The following LRCH3 variants were observed in gnomAD, a reference collection of about 807,000 sequenced individuals.
LRCH3 encodes DISP complex protein LRCH3.
Under a neutral mutation model 104.5 loss-of-function variants are expected in LRCH3, and 68 were observed. The ratio of observed to expected loss-of-function variants is 0.65; its 90% CI spans 0.54 to 0.80. The LOEUF (loss-of-function observed/expected upper bound fraction) is 0.80, where lower values mean the gene tolerates loss of function less well. Ranked by LOEUF, LRCH3 falls within the 30% of genes least tolerant of loss-of-function variation. LRCH3 has a pLI of 0.00. For synonymous variants in LRCH3, 344 were observed against 361.3 expected (o/e 0.95, Z 0.54); for missense variants, 951 against 953.9 (o/e 1.00, Z 0.04).
chr3:197,799,962 A>G (rs982912146), intron 1 of LRCH3, among the ~76,000 whole-genome samples: 2 of 151,960 alleles, frequency 1.3e-5, no homozygotes, highest in African/African-American at 4.8e-5. Flanking sequence ...CAGGTGGATC[A>G]TGAGGTCAGG....
At chr3:197,867,553 T>TA (rs1328189194) in intron 17 of LRCH3, among the ~76,000 whole-genome samples, 1 of 150,824 alleles carries the variant, frequency 6.6e-6, no homozygotes, top group Non-Finnish European at 1.5e-5. Flanking sequence ...CCCCATCTCT[T>TA]AAAAAAATAC....
At chr3:197,813,701 T>C (rs1393393083) in intron 1 of LRCH3, among the ~76,000 whole-genome samples, 3 of 151,668 alleles carry the variant, frequency 2.0e-5, no homozygotes, top group African/African-American at 7.3e-5. Flanking sequence ...CGGCTAACTT[T>C]TGTATTTTTA....
chr3:197,882,574 A>G (rs1398634057), intron 20 of LRCH3: 4 of 960,442 alleles, frequency 4.2e-6, no homozygotes, highest in Non-Finnish European at 5.0e-6. Context: ...AACATATATA[A>G]TCTTTTTTTA....
chr3:197,796,050 T>G (rs1450054340), intron 1 of LRCH3, among the ~76,000 whole-genome samples: 1 of 152,102 alleles, frequency 6.6e-6, no homozygotes. Flanking sequence ...GTGATGATAT[T>G]GTGGTGAGAC....
intron 20 of LRCH3, among the ~76,000 whole-genome samples, chr3:197,879,035 A>G (rs1397912592): frequency 1.3e-5 from 2 of 152,238 alleles, no homozygotes; most frequent in South Asian, 2.1e-4. Flanking sequence ...GAAATACTGA[A>G]GAACAAGGCA....
At chr3:197,834,242 A>G (rs1191968102) in intron 8 of LRCH3, among the ~76,000 whole-genome samples, 1 of 152,226 alleles carries the variant, frequency 6.6e-6, no homozygotes, top group Non-Finnish European at 1.5e-5. Flanking sequence ...AAACTTAAAA[A>G]TAATGGGGGA....
chr3:197,875,965 G>T (rs780721702), intron 20 of LRCH3, 190 bp downstream of exon 20: 8 of 424,622 alleles, frequency 1.9e-5, no homozygotes, highest in Admixed American at 4.2e-5. Context: ...ACCACACAAA[G>T]AAATTATAAA....
Position 197,846,232 on chromosome 3 carries a change from G to A in LRCH3, c.1329-1177G>A, listed in dbSNP as rs567712007. Among the ~76,000 whole-genome samples, 5 of 151,952 alleles carry A rather than the reference G, an allele frequency of 3.3e-5. No homozygotes were observed. In the East Asian group the frequency reaches 5.8e-4, roughly 18 times the overall value. ...GACCTGGGTTAACCTAGCAAAACCC[G>A]GTCTCTACAAAAACTGCAGAAATAA... On this transcript the variant is annotated intron_variant, in intron 10 of 20. Coordinates refer to ENST00000425562, the MANE Select transcript of LRCH3 (RefSeq NM_001365715.1).
chr3:197,875,879 T>C (rs1187237827), intron 20 of LRCH3, 104 bp downstream of exon 20: 3 of 693,398 alleles, frequency 4.3e-6, no homozygotes, highest in Non-Finnish European at 7.3e-6. Context: ...CTGAGCTAAG[T>C]CGATCATAAT....
In LRCH3 at chr3:197,814,951, T is replaced by C; in HGVS notation, c.306T>C (p.Cys102=). 1 of 1,601,068 alleles carries C rather than the reference T, an allele frequency of 6.2e-7. No individual in the cohort carries two copies. Among genetic ancestry groups the C allele is most frequent in the Non-Finnish European group, 8.5e-7 (1 of 1,175,364 alleles). The change falls in exon 2 of 21, where the codon TGT becomes TGC. Residue 102 remains cysteine (C), a synonymous_variant. Coordinates refer to ENST00000425562, the MANE Select transcript of LRCH3 (RefSeq NM_001365715.1). ...TTTCAGAAATTCCTATAGAAGCATG[T>C]CACTTTGTTTCTCTGGAAAATCTCA... ...NRLSEIPIEA[C]HFVSLENLNL...
intron 3 of LRCH3, among the ~76,000 whole-genome samples, chr3:197,818,069 C>T (rs1262442995): frequency 1.3e-5 from 2 of 152,160 alleles, no homozygotes; most frequent in Non-Finnish European, 2.9e-5. Flanking sequence ...GATCTGCCCA[C>T]CTCGGCCTCC....
chr3:197,822,385 T>G (rs1002517608), intron 4 of LRCH3, among the ~76,000 whole-genome samples: 1 of 152,228 alleles, frequency 6.6e-6, no homozygotes, highest in Non-Finnish European at 1.5e-5. Context: ...TTCAAAGACT[T>G]ACTCCTATAA....
chr3:197,859,094 C>A, intron 15 of LRCH3, 189 bp downstream of exon 15: 1 of 580,386 alleles, frequency 1.7e-6, no homozygotes, highest in Non-Finnish European at 3.1e-6. Context: ...TAGAGATAGT[C>A]ATAGAGCTCA....
rs58866690 is a variant in LRCH3 at position 197,817,360 on chromosome 3, G to GTATATATATATATATATATATATA, written c.534+77_534+78insATATATATATATATATATATATAT. The stretch of plus-strand genomic sequence containing the variant: ...TGTGTGTGTGTCTGTGTGTGTGTGT[G>GTATATATATATATATATATATATA]TATATATATATATATATATGAAACC... On this transcript the variant is annotated intron_variant, in intron 3 of 20. Transcript: ENST00000425562. 203 of 89,924 alleles carry GTATATATATATATATATATATATA rather than the reference G, an allele frequency of 2.3e-3. 10 individuals are homozygous for GTATATATATATATATATATATATA. The highest frequency in any genetic ancestry group is 0.017 in the African/African-American group (195 of 11,670). The allele number at this position is 89,924 out of a possible 1,614,324, so 5.6% of individuals were successfully genotyped here.
At chr3:197,816,928 A>G (rs963585960) in intron 2 of LRCH3, among the ~76,000 whole-genome samples, 2 of 152,158 alleles carry the variant, frequency 1.3e-5, no homozygotes, top group African/African-American at 4.8e-5. Context: ...GCCCTATAAG[A>G]TAGGTAGGGA....
intron 1 of LRCH3, among the ~76,000 whole-genome samples, chr3:197,792,598 TATATATAAAATATAC>T (rs1185262383): frequency 2.6e-5 from 2 of 78,240 alleles, no homozygotes; most frequent in Non-Finnish European, 5.2e-5. Context: ...TATATATATA[TATATATAAAATATAC>T]ATATATATAT....
intron 12 of LRCH3, among the ~76,000 whole-genome samples, chr3:197,848,898 C>T (rs1026309786): frequency 6.6e-6 from 1 of 152,192 alleles, no homozygotes; most frequent in African/African-American, 2.4e-5. Flanking sequence ...TTGGCAATGA[C>T]GTTTAACTCT....
At chr3:197,855,566 T>C (rs1487367360) in intron 14 of LRCH3, among the ~76,000 whole-genome samples, 1 of 152,208 alleles carries the variant, frequency 6.6e-6, no homozygotes, top group Non-Finnish European at 1.5e-5. Flanking sequence ...AATCCACATC[T>C]GTCTGGCTGA....
intron 4 of LRCH3, chr3:197,822,729 A>T (rs897660327): frequency 6.6e-6 from 1 of 152,044 alleles, no homozygotes; most frequent in Non-Finnish European, 1.5e-5. Flanking sequence ...CTTTTGTTAT[A>T]TTGCCATTTT....
Sources: gnomAD v4.1 joint callset for allele counts (sites outside exome capture counted in the v4.1 genomes callset) on GRCh38, gnomAD v4.1.1 for gene constraint, MANE v1.5 for transcripts, NCBI Gene and HGNC (gene_info 2026-07-23, HGNC 2026-07-21) for gene names.